TAOK1: variants seen among roughly 807,000 people sequenced by gnomAD.
TAOK1 encodes serine/threonine-protein kinase TAO1.
Under a neutral mutation model 138.3 loss-of-function variants are expected in TAOK1, and 21 were observed. The ratio of observed to expected loss-of-function variants is 0.15; its 90% CI spans 0.11 to 0.22. The LOEUF (loss-of-function observed/expected upper bound fraction) is 0.22, where lower values mean the gene tolerates loss of function less well. Ranked by LOEUF, TAOK1 falls within the 10% of genes least tolerant of loss-of-function variation. The pLI is 1.00. For missense variants in TAOK1, 651 were observed against 1,227.7 expected, an observed-to-expected ratio of 0.53 and a Z score of 7.02; for synonymous variants, 361 against 398.4, an observed-to-expected ratio of 0.91 and a Z score of 1.12.
Position 29,517,655 on chromosome 17 carries a change from A to T in TAOK1, c.1907A>T (p.Glu636Val). ...RHNLEQDLVR[E>V]ELNKRQTQKD... ...AACTTAGAGCAGGACCTTGTCAGGG[A>T]GGTAAGTTTGAGTGATGAGAAATTT... The change falls in exon 16 of 20, where the codon GAG becomes GTG. Residue 636 changes from glutamate to valine, a missense_variant and splice_region_variant. Glu to Val is a moderately radical substitution (Grantham distance 121, BLOSUM62 -2). Around this residue, in one of 8 missense-constraint regions of TAOK1, gnomAD observed 258 missense variants for 548.9 expected, o/e 0.47. Transcript: ENST00000261716. 1 of 1,596,748 alleles carries T rather than the reference A, an allele frequency of 6.3e-7. No homozygotes were observed. Among genetic ancestry groups the T allele is most frequent in the Non-Finnish European group, 8.5e-7 (1 of 1,174,436 alleles).
chr17:29,394,205 G>A lies in TAOK1; in HGVS notation c.-95+3181G>A, dbSNP rs535245884. The stretch of plus-strand genomic sequence containing the variant: ...TTTTGAGACGGAGTCTTGCTCTGTC[G>A]CCCAGGCTGGAGTGCAGTGGCACGA... On this transcript the variant is annotated intron_variant, in intron 1 of 19. Coordinates refer to ENST00000261716, the MANE Select transcript of TAOK1 (RefSeq NM_020791.4). Among the ~76,000 whole-genome samples the A allele has an allele frequency of 2.0e-3, 214 of 109,614 alleles. 1 individual carries two copies. Among genetic ancestry groups the A allele is most frequent in the African/African-American group, 6.6e-3 (190 of 28,954 alleles). 71.9% of individuals were successfully genotyped at this position (109,614 alleles called of 152,430 possible).
At chr17:29,512,086 T>C in intron 15 of TAOK1, 1 of 123,690 alleles carries the variant, frequency 8.1e-6, no homozygotes, top group Admixed American at 1.0e-4. Context: ...GAAGTCTCAC[T>C]CTGTCATACA....
Position 29,539,403 on chromosome 17 carries a change from G to A in TAOK1, c.2545-3158G>A, listed in dbSNP as rs542862311. ...TACCAAAAATACAAAAAATTAGCTG[G>A]GTGTGGTGGTGCATGCCTGTTTTTT... On this transcript the variant is annotated intron_variant, in intron 19 of 19. Transcript: ENST00000261716. Among the ~76,000 whole-genome samples the A allele has an allele frequency of 1.6e-4, 25 of 152,200 alleles. No individual in the cohort carries two copies. The South Asian group carries it at 5.2e-3, about 32-fold the overall frequency.
At position 29,550,959 on chromosome 17, in the gene TAOK1, A is replaced by G. The variant is rs562548559; in HGVS notation, c.*7937A>G. On this transcript the variant is annotated 3_prime_UTR_variant, in exon 20 of 20. Transcript: ENST00000261716. ...GTTGGTTTTTATTTTTATTTTTGCTATTTACCTAAAAAAAGAAAATGCTTC... is the reference window on the plus strand; with the variant it reads ...GTTGGTTTTTATTTTTATTTTTGCTGTTTACCTAAAAAAAGAAAATGCTTC... 2 of 152,098 alleles carry G rather than the reference A, an allele frequency of 1.3e-5. No individual in the cohort carries two copies. Among genetic ancestry groups the G allele is most frequent in the Admixed American group, 6.6e-5 (1 of 15,212 alleles). 9.4% of individuals were successfully genotyped at this position (152,098 alleles called of 1,614,324 possible). A position where few individuals can be genotyped will look rare whatever the true frequency, so the allele number is the denominator to read the frequency against.
At chr17:29,536,632 T>C (rs757629904) in intron 19 of TAOK1, among the ~76,000 whole-genome samples, 1 of 149,776 alleles carries the variant, frequency 6.7e-6, no homozygotes, top group Non-Finnish European at 1.5e-5. Flanking sequence ...ATGAGAAAGA[T>C]AGAAACATAA....
At chr17:29,461,260 A>G (rs961112881) in intron 2 of TAOK1, among the ~76,000 whole-genome samples, 1 of 152,228 alleles carries the variant, frequency 6.6e-6, no homozygotes, top group Non-Finnish European at 1.5e-5. Flanking sequence ...TAATGATATT[A>G]TATCAGTGCT....
chr17:29,495,818 C>A, intron 11 of TAOK1, 91 bp downstream of exon 11: 3 of 1,128,970 alleles, frequency 2.7e-6, no homozygotes, highest in Non-Finnish European at 3.6e-6. Context: ...ACCTTATATA[C>A]CAAGGGTTTC....
At chr17:29,539,338 G>A (rs1384511725) in intron 19 of TAOK1, among the ~76,000 whole-genome samples, 4 of 152,200 alleles carry the variant, frequency 2.6e-5, no homozygotes, top group African/African-American at 7.2e-5. Context: ...GAGATCAGGA[G>A]TTTGAGAGCA....
intron 12 of TAOK1, among the ~76,000 whole-genome samples, chr17:29,498,759 A>C (rs2031459363): frequency 6.6e-6 from 1 of 152,066 alleles, no homozygotes; most frequent in Admixed American, 6.6e-5. Flanking sequence ...CTCTACTAAA[A>C]ATACAAAAAT....
chr17:29,397,506 G>C (rs1482060423), intron 1 of TAOK1, among the ~76,000 whole-genome samples: 2 of 151,094 alleles, frequency 1.3e-5, no homozygotes, highest in African/African-American at 4.9e-5. Context: ...AGGAAGTTGA[G>C]GCAGGAGAGT....
chr17:29,491,517 C>T (rs80010193), intron 9 of TAOK1, among the ~76,000 whole-genome samples: 1,607 of 151,888 alleles, frequency 0.011, 35 homozygotes, highest in African/African-American at 0.037. Context: ...CATTTTGCCT[C>T]GATATAGTAA....
intron 1 of TAOK1, among the ~76,000 whole-genome samples, chr17:29,409,622 C>G (rs962480809): frequency 6.6e-6 from 1 of 151,988 alleles, no homozygotes. Flanking sequence ...CGTGAGCCAC[C>G]GCACCCAGCC....
At chr17:29,487,760 A>G (rs2031203816) in intron 8 of TAOK1, among the ~76,000 whole-genome samples, 1 of 152,248 alleles carries the variant, frequency 6.6e-6, no homozygotes, top group Non-Finnish European at 1.5e-5. Context: ...ACTCCATACA[A>G]TAAATAAATA....
At chr17:29,438,955 G>A (rs1195267781) in intron 1 of TAOK1, among the ~76,000 whole-genome samples, 1 of 152,036 alleles carries the variant, frequency 6.6e-6, no homozygotes, top group Non-Finnish European at 1.5e-5. Flanking sequence ...CTTCATGAAA[G>A]CTTACCAATT....
At chr17:29,493,548 G>A (rs1226229056) in intron 10 of TAOK1, among the ~76,000 whole-genome samples, 1 of 151,080 alleles carries the variant, frequency 6.6e-6, no homozygotes, top group Non-Finnish European at 1.5e-5. Context: ...CCAAATAGAA[G>A]CAAAAGAAGC....
chr17:29,455,269 C>T (rs1276555515), intron 2 of TAOK1, among the ~76,000 whole-genome samples: 5 of 150,160 alleles, frequency 3.3e-5, no homozygotes, highest in Non-Finnish European at 5.9e-5. Context: ...TTCTTAATTC[C>T]GTGTGAAATT....
In TAOK1 at chr17:29,534,250, C is replaced by G; in HGVS notation, c.2494C>G (p.Arg832Gly). 2 of 1,612,846 alleles carry G rather than the reference C, an allele frequency of 1.2e-6. No homozygotes were observed. The highest frequency in any genetic ancestry group is 1.7e-6 in the Non-Finnish European group (2 of 1,179,490). The change falls in exon 19 of 20, where the codon CGC becomes GGC. Residue 832 changes from arginine (R) to glycine (G), a missense_variant. Transcript: ENST00000261716. Reference sequence around the variant, plus strand: ...TGAGGCACAACATGATCGAGAGCTTCGCGAGCTTGAACAGAGGGTCTCCCT... The same window carrying G: ...TGAGGCACAACATGATCGAGAGCTTGGCGAGCTTGAACAGAGGGTCTCCCT... ...QAEAQHDREL[R>G]ELEQRVSLRR...
At position 29,491,829 on chromosome 17, in the gene TAOK1, C is replaced by A. The variant is rs1027606967; in HGVS notation, c.795C>A (p.Ile265=). Residue 265 remains isoleucine, a synonymous_variant, in exon 10 of 20, where the codon ATC becomes ATA. Transcript: ENST00000261716. The part of the protein sequence containing the change: ...RNFVDSCLQK[I]PQDRPTSEEL... ...TTGTAGATTCTTGCCTCCAGAAAAT[C>A]CCTCAAGATCGACCTACATCAGAGG... 1.2e-6 allele frequency: 2 copies of A among 1,613,640 alleles called. No individual in the cohort carries two copies. The highest frequency in any genetic ancestry group is 2.7e-5 in the African/African-American group (2 of 74,898).
At chr17:29,458,141 T>C (rs749641885) in intron 2 of TAOK1, among the ~76,000 whole-genome samples, 1 of 152,106 alleles carries the variant, frequency 6.6e-6, no homozygotes, top group Non-Finnish European at 1.5e-5. Context: ...AACACTGTTA[T>C]ATGATTACTC....
Sources: gnomAD v4.1 joint callset for allele counts (sites outside exome capture counted in the v4.1 genomes callset) on GRCh38, gnomAD v4.1.1 for gene constraint, gnomAD v4.1.1 regional missense constraint, MANE v1.5 for transcripts, NCBI Gene and HGNC (gene_info 2026-07-23, HGNC 2026-07-21) for gene names.